Variants in THADA observed in about 807,000 individuals in gnomAD.
THADA encodes the protein tRNA (32-2'-O)-methyltransferase regulator THADA.
A neutral mutation model predicts 219.8 loss-of-function variants in THADA; 213 were observed. That is an observed-to-expected ratio of 0.97 (90% CI 0.87 to 1.09). The LOEUF (loss-of-function observed/expected upper bound fraction) is 1.09. THADA is among the 50% of genes least tolerant of loss of function. The probability of loss-of-function intolerance (pLI) is 0.00; values close to 1 mark genes in which losing one functional copy is unlikely to be tolerated. For missense variants in THADA, 2,956 were observed against 2,311.3 expected, an observed-to-expected ratio of 1.28 and a Z score of -5.72; for synonymous variants, 1,018 against 828.9, an observed-to-expected ratio of 1.23 and a Z score of -3.92.
chr2:43,242,248 A>G (rs1024781816), intron 36 of THADA, among the ~76,000 whole-genome samples: 4 of 152,244 alleles, frequency 2.6e-5, no homozygotes, highest in Admixed American at 2.6e-4. Context: ...CCCGCTTAGC[A>G]CTTGACTGTG....
At chr2:43,275,997 GCAGAGAT>G (rs1255991993) in intron 36 of THADA, among the ~76,000 whole-genome samples, 1 of 152,198 alleles carries the variant, frequency 6.6e-6, no homozygotes, top group Non-Finnish European at 1.5e-5. Context: ...GTGGGGAGCT[GCAGAGAT>G]AGCCTTGAGC....
chr2:43,554,378 G>A (rs1429924940), intron 17 of THADA, among the ~76,000 whole-genome samples: 1 of 152,032 alleles, frequency 6.6e-6, no homozygotes, highest in South Asian at 2.1e-4. Flanking sequence ...CGCCTTGGAA[G>A]GAGAAGGTTA....
At chr2:43,264,200 A>G (rs1040968472) in intron 36 of THADA, among the ~76,000 whole-genome samples, 1 of 152,048 alleles carries the variant, frequency 6.6e-6, no homozygotes, top group East Asian at 1.9e-4. Flanking sequence ...GAGTGAAAAG[A>G]AACTGAAGTC....
At chr2:43,515,264 A>T (rs1229631863) in intron 22 of THADA, among the ~76,000 whole-genome samples, 1 of 46,434 alleles carries the variant, frequency 2.2e-5, no homozygotes, top group Non-Finnish European at 3.9e-5. Context: ...ATAATATATA[A>T]TATATAATAT....
intron 30 of THADA, among the ~76,000 whole-genome samples, chr2:43,329,599 G>T (rs1679726334): frequency 6.6e-6 from 1 of 152,134 alleles, no homozygotes; most frequent in South Asian, 2.1e-4. Context: ...AAGAAAAATA[G>T]AAATTATCAT....
At chr2:43,356,415 G>T (rs1195515771) in intron 29 of THADA, among the ~76,000 whole-genome samples, 3 of 152,000 alleles carry the variant, frequency 2.0e-5, no homozygotes, top group Non-Finnish European at 2.9e-5. Context: ...CCATGAATAG[G>T]GGAAAATAAG....
intron 31 of THADA, among the ~76,000 whole-genome samples, chr2:43,310,236 C>CCCA (rs397699063): frequency 2.5e-5 from 3 of 121,026 alleles, no homozygotes; most frequent in African/African-American, 6.3e-5. Context: ...GCCCCCCCCC[C>CCCA]AAACAAGCTG....
chr2:43,348,907 G>C (rs1474599972), intron 29 of THADA, among the ~76,000 whole-genome samples: 1 of 152,166 alleles, frequency 6.6e-6, no homozygotes, highest in East Asian at 1.9e-4. Flanking sequence ...GGGAAAAACA[G>C]AGGACAGATG....
intron 15 of THADA, chr2:43,562,972 C>A (rs1698248713): frequency 6.6e-6 from 1 of 152,102 alleles, no homozygotes; most frequent in Admixed American, 6.6e-5. Flanking sequence ...TTATCTTAGT[C>A]AGTTTAGCAA....
chr2:43,277,877 A>C (rs1296592119), intron 36 of THADA, among the ~76,000 whole-genome samples: 2 of 152,108 alleles, frequency 1.3e-5, no homozygotes, highest in East Asian at 1.9e-4. Flanking sequence ...CAAAATCCTT[A>C]TATGCTGAAG....
rs537610381 is a variant in THADA at position 43,388,528 on chromosome 2, G to A, written c.4227+9443C>T. On this transcript the variant is annotated intron_variant, in intron 29 of 37. Coordinates refer to ENST00000405975, the MANE Select transcript of THADA (RefSeq NM_022065.5). ...CCTTCCCATGATAAAAGAGTCCTTTGTCTCAGACAGTGTGAGACACTGATT... is the reference window on the plus strand; with the variant it reads ...CCTTCCCATGATAAAAGAGTCCTTTATCTCAGACAGTGTGAGACACTGATT... Among the ~76,000 whole-genome samples the A allele has an allele frequency of 1.0e-3, 154 of 152,246 alleles. 1 individual carries two copies. Among genetic ancestry groups the A allele is most frequent in the African/African-American group, 3.5e-3 (147 of 41,532 alleles).
chr2:43,559,758 G>C (rs1697836662), intron 16 of THADA, among the ~76,000 whole-genome samples: 1 of 152,210 alleles, frequency 6.6e-6, no homozygotes, highest in Non-Finnish European at 1.5e-5. Context: ...TACTCGGTAA[G>C]TTTCAGTCTC....
rs756558560 is a variant in THADA, at chr2:43,574,523, A to G, written c.1542T>C (p.Ala514=). The part of the protein sequence containing the change: ...NHKSHLKSQT[A]ESSWIDQWHE... ...GCCACTGGTCAATCCAAGAACTCTC[A>G]GCAGTCTGGGATTTCAAATGACTCT... Residue 514 remains alanine (A), a synonymous_variant, in exon 11 of 38, where the codon GCT becomes GCC. Transcript: ENST00000405975. 6.2e-7 allele frequency: 1 copy of G among 1,613,942 alleles called. No homozygotes were observed. The highest frequency in any genetic ancestry group is 8.5e-7 in the Non-Finnish European group (1 of 1,179,816).
intron 36 of THADA, among the ~76,000 whole-genome samples, chr2:43,244,756 T>C (rs1668956301): frequency 1.3e-5 from 2 of 152,092 alleles, no homozygotes; most frequent in Admixed American, 1.3e-4. Context: ...AGCAGATGAG[T>C]CCCTCCCTAT....
intron 26 of THADA, among the ~76,000 whole-genome samples, chr2:43,457,449 A>G (rs1188051386): frequency 6.6e-6 from 1 of 152,188 alleles, no homozygotes; most frequent in Non-Finnish European, 1.5e-5. Flanking sequence ...AGTCTCTACT[A>G]AAATAATTTA....
chr2:43,320,322 T>C (rs1573050213), intron 31 of THADA, 124 bp downstream of exon 31: 11 of 647,446 alleles, frequency 1.7e-5, no homozygotes, highest in Non-Finnish European at 2.7e-5. Flanking sequence ...CTGTTTAATT[T>C]TGATGTGTGG....
At chr2:43,572,341 C>G (rs1363299529) in intron 12 of THADA, among the ~76,000 whole-genome samples, 1 of 152,192 alleles carries the variant, frequency 6.6e-6, no homozygotes, top group Admixed American at 6.5e-5. Context: ...TAGCATTAGG[C>G]CTTTCCAAAA....
chr2:43,437,490 C>G (rs549320136), intron 26 of THADA, among the ~76,000 whole-genome samples: 1 of 152,282 alleles, frequency 6.6e-6, no homozygotes, highest in South Asian at 2.1e-4. Flanking sequence ...TGCTTGGTGT[C>G]CTACTGGTAG....
chr2:43,248,164 T>TATATATATAGAG (rs1669412946), intron 36 of THADA, among the ~76,000 whole-genome samples: 2 of 40,938 alleles, frequency 4.9e-5, no homozygotes, highest in Admixed American at 3.2e-4. Context: ...TATATATATA[T>TATATATATAGAG]AGAGAGAGAG....
Sources: allele counts gnomAD v4.1 joint callset (sites outside exome capture counted in the v4.1 genomes callset), GRCh38; gene constraint gnomAD v4.1.1; transcripts MANE v1.5; gene names NCBI Gene and HGNC (gene_info 2026-07-23, HGNC 2026-07-21).